XIRP2: variants seen among roughly 807,000 people sequenced by gnomAD.
The protein encoded by XIRP2 is xin actin binding repeat containing 2, also known as xin actin-binding repeat-containing protein 2.
A neutral mutation model predicts 277.0 loss-of-function variants in XIRP2; 236 were observed. That is an observed-to-expected ratio of 0.85 (90% confidence interval 0.77 to 0.95). The LOEUF (loss-of-function observed/expected upper bound fraction) is 0.95. Among genes scored for constraint, XIRP2 ranks in the 40% least tolerant of loss-of-function variants. The pLI is 0.00. For synonymous variants in XIRP2, 1,490 were observed against 1,416.5 expected (o/e 1.05, Z -1.17); for missense variants, 4,640 against 4,157.5 (o/e 1.12, Z -3.19).
rs1695271185 is a variant in XIRP2, at chr2:167,246,518, T to C, written c.5126T>C (p.Ile1709Thr). Residue 1709 changes from isoleucine to threonine, a missense_variant, in exon 9 of 11, where the codon ATA (isoleucine) becomes ACA (threonine). By Grantham distance (89) the Ile-to-Thr change is moderately conservative (BLOSUM62 -1). Transcript: ENST00000409195. ...GACACAATTGAGCGTGAAGAAGTAA[T>C]AGGTGGTGATGTCAAACGTACCATT... ...DGDTIEREEV[I>T]GGDVKRTIHN... 6.2e-7 allele frequency: 1 copy of C among 1,613,562 alleles called. No individual in the cohort carries two copies. Among genetic ancestry groups the C allele is most frequent in the Non-Finnish European group, 8.5e-7 (1 of 1,179,782 alleles).
chr2:166,950,738 A>G (rs1170445238), intron 2 of XIRP2, among the ~76,000 whole-genome samples: 2 of 152,046 alleles, frequency 1.3e-5, no homozygotes, highest in Non-Finnish European at 2.9e-5. Context: ...ATGATTTTCT[A>G]AGGCATTTTT....
chr2:167,255,654 G>C (rs1327764345), intron 10 of XIRP2, among the ~76,000 whole-genome samples: 5 of 151,660 alleles, frequency 3.3e-5, no homozygotes, highest in African/African-American at 1.2e-4. Flanking sequence ...AGATCATATA[G>C]CCACTACATA....
intron 2 of XIRP2, among the ~76,000 whole-genome samples, chr2:167,078,020 C>T (rs569319084): frequency 4.6e-5 from 7 of 152,040 alleles, no homozygotes; most frequent in South Asian, 2.1e-4. Context: ...TGAAAAATGA[C>T]GTTAGTAGTT....
Position 167,188,982 on chromosome 2 carries a change from A to C in XIRP2, c.563-21753A>C, listed in dbSNP as rs144493880. Among the ~76,000 whole-genome samples the C allele has an allele frequency of 6.6e-5, 10 of 152,338 alleles. No individual in the cohort carries two copies. In the East Asian group the frequency reaches 1.9e-3, roughly 29 times the overall value. Reference sequence around the variant, plus strand: ...ATTTCTTCTGTGATTACAGAGGAAGAGGAGAGTGTTGCCTTTCTTCAGCTT... The same window carrying C: ...ATTTCTTCTGTGATTACAGAGGAAGCGGAGAGTGTTGCCTTTCTTCAGCTT... On this transcript the variant is annotated intron_variant, in intron 3 of 10. Coordinates refer to ENST00000409195, the MANE Select transcript of XIRP2 (RefSeq NM_152381.6).
Position 167,247,843 on chromosome 2 carries a change from A to G in XIRP2, c.6451A>G (p.Lys2151Glu). 6.2e-7 allele frequency: 1 copy of G among 1,613,544 alleles called. No individual in the cohort carries two copies. The highest frequency in any genetic ancestry group is 1.1e-5 in the South Asian group (1 of 91,032). ...IKSPKKTKNI[K>E]ILTDTQSSKP... ...GAGTCCTAAAAAGACCAAAAATATTAAAATATTAACTGATACACAAAGCTC... is the reference window on the plus strand; with the variant it reads ...GAGTCCTAAAAAGACCAAAAATATTGAAATATTAACTGATACACAAAGCTC... Residue 2151 changes from lysine to glutamate, a missense_variant, in exon 9 of 11, where the codon AAA (lysine) becomes GAA (glutamate). Physicochemically the swap from Lys to Glu is moderately conservative, Grantham distance 56. Transcript: ENST00000409195.
chr2:167,042,952 A>G (rs1688695877), intron 2 of XIRP2, among the ~76,000 whole-genome samples: 1 of 152,082 alleles, frequency 6.6e-6, no homozygotes, highest in Admixed American at 6.6e-5. Context: ...TTCTCAACAA[A>G]TTCAAAACAA....
At chr2:167,149,382 A>G (rs1321642432) in intron 3 of XIRP2, among the ~76,000 whole-genome samples, 1 of 152,190 alleles carries the variant, frequency 6.6e-6, no homozygotes, top group East Asian at 1.9e-4. Context: ...CACAATAAAC[A>G]TAAGAAACAA....
chr2:167,220,710 A>G (rs905561955), intron 5 of XIRP2, among the ~76,000 whole-genome samples: 5 of 152,198 alleles, frequency 3.3e-5, no homozygotes, highest in African/African-American at 9.7e-5. Flanking sequence ...TGCTCCTTAC[A>G]TATCTAATTG....
At chr2:167,050,228 C>A (rs1234479861) in intron 2 of XIRP2, among the ~76,000 whole-genome samples, 5 of 152,102 alleles carry the variant, frequency 3.3e-5, no homozygotes, top group Middle Eastern at 3.4e-3. Context: ...GAAGCCGTTA[C>A]CTTTCAGCTG....
intron 2 of XIRP2, among the ~76,000 whole-genome samples, chr2:167,005,894 T>C (rs892843419): frequency 1.3e-5 from 2 of 151,696 alleles, no homozygotes; most frequent in South Asian, 4.1e-4. Flanking sequence ...ACCTTCTGGA[T>C]CAGAATCAGA....
At chr2:167,058,599 C>T (rs184903119) in intron 2 of XIRP2, among the ~76,000 whole-genome samples, 6 of 152,310 alleles carry the variant, frequency 3.9e-5, no homozygotes, top group African/African-American at 9.6e-5. Context: ...TATCTCACCA[C>T]TGGTGCCTCT....
chr2:166,908,394 T>C (rs1262107240), intron 2 of XIRP2, among the ~76,000 whole-genome samples: 1 of 152,242 alleles, frequency 6.6e-6, no homozygotes, highest in East Asian at 1.9e-4. Flanking sequence ...CATGTGTGTG[T>C]TGGCTGCATA....
At position 167,218,303 on chromosome 2, in the gene XIRP2, A is replaced by G. The variant is rs765092786; in HGVS notation, c.858+3A>G. 6.6e-7 allele frequency: 1 copy of G among 1,504,912 alleles called. No homozygotes were observed. Among genetic ancestry groups the G allele is most frequent in the Non-Finnish European group, 8.9e-7 (1 of 1,121,956 alleles). The allele number at this position is 1,504,912 out of a possible 1,614,324, so 93.2% of individuals were successfully genotyped here. On this transcript the variant is annotated splice_donor_region_variant and intron_variant, in intron 5 of 10. Coordinates refer to ENST00000409195, the MANE Select transcript of XIRP2 (RefSeq NM_152381.6). ...AACATCAGAACAGATCTGAGCAGGT[A>G]ATACTACTACAGGTGATGGGTAAAT...
chr2:167,136,304 A>G (rs1691550774), intron 3 of XIRP2, among the ~76,000 whole-genome samples: 2 of 152,178 alleles, frequency 1.3e-5, no homozygotes, highest in African/African-American at 4.8e-5. Flanking sequence ...AACCAGTACA[A>G]CAAGCATTTT....
At chr2:167,022,248 T>C (rs1438516293) in intron 2 of XIRP2, among the ~76,000 whole-genome samples, 2 of 152,072 alleles carry the variant, frequency 1.3e-5, no homozygotes, top group Non-Finnish European at 2.9e-5. Context: ...CGTCTATACC[T>C]GTGAAACAAC....
At chr2:167,081,490 T>C (rs1253791741) in intron 2 of XIRP2, among the ~76,000 whole-genome samples, 1 of 152,052 alleles carries the variant, frequency 6.6e-6, no homozygotes, top group Non-Finnish European at 1.5e-5. Flanking sequence ...AGATGAAAAA[T>C]AGAAAAGGAA....
intron 3 of XIRP2, among the ~76,000 whole-genome samples, chr2:167,171,165 G>T (rs888377676): frequency 6.6e-6 from 1 of 152,014 alleles, no homozygotes; most frequent in African/African-American, 2.4e-5. Context: ...CTCCCAAAGT[G>T]CTGGGATTAC....
intron 2 of XIRP2, among the ~76,000 whole-genome samples, chr2:166,908,426 C>T (rs574870723): frequency 1.1e-4 from 16 of 151,932 alleles, no homozygotes; most frequent in African/African-American, 2.7e-4. Context: ...TTGAGAAGTG[C>T]CTGTTCATAT....
In XIRP2 at chr2:166,903,528, T is replaced by C. The variant is rs1684437000; in HGVS notation, c.46T>C (p.Trp16Arg). The C allele has an allele frequency of 6.2e-7, 1 of 1,613,376 alleles. No individual in the cohort carries two copies. Among genetic ancestry groups the C allele is most frequent in the Non-Finnish European group, 8.5e-7 (1 of 1,179,652 alleles). ...CTCCCTCAACCTCCTGAGGCAGAAA[T>C]GGGAATCTTGTGATTATCAGAGAAG... is the stretch of plus-strand genomic sequence containing the variant. ...KGSLNLLRQK[W>R]ESCDYQRSEC... The change falls in exon 2 of 11, where the codon TGG (tryptophan) becomes CGG (arginine). Residue 16 changes from tryptophan (W) to arginine (R), a missense_variant. Trp to Arg is a moderately radical substitution (Grantham distance 101). Coordinates refer to ENST00000409195, the MANE Select transcript of XIRP2 (RefSeq NM_152381.6).
Sources: allele counts gnomAD v4.1 joint callset (sites outside exome capture counted in the v4.1 genomes callset), GRCh38; gene constraint gnomAD v4.1.1; transcripts MANE v1.5; gene names NCBI Gene and HGNC (gene_info 2026-07-23, HGNC 2026-07-21).